Variants in RC3H2 observed in about 807,000 individuals in gnomAD.
RC3H2 encodes roquin-2.
RC3H2 carries 31 observed loss-of-function variants against 133.3 expected under a neutral mutation model. The observed-to-expected ratio is 0.23, with a 90% CI of 0.17 to 0.31. RC3H2 has a LOEUF of 0.31. RC3H2 is among the 10% of genes least tolerant of loss of function. The pLI, the probability that RC3H2 is intolerant of heterozygous loss-of-function variation, is 1.00. For synonymous variants in RC3H2, 517 were observed against 502.2 expected, an observed-to-expected ratio of 1.03 and a Z score of -0.40; for missense variants, 1,175 against 1,437.2, an observed-to-expected ratio of 0.82 and a Z score of 2.95.
chr9:122,881,575 CA>C (rs1414933019), intron 5 of RC3H2, among the ~76,000 whole-genome samples: 11 of 151,514 alleles, frequency 7.3e-5, no homozygotes, highest in African/African-American at 2.7e-4. Context: ...AGATATGATA[CA>C]GGCTAGAGAA....
At chr9:122,867,165 G>A (rs1209453438) in intron 9 of RC3H2, among the ~76,000 whole-genome samples, 1 of 130,438 alleles carries the variant, frequency 7.7e-6, no homozygotes, top group Admixed American at 7.3e-5. Context: ...CCCTCCGCCC[G>A]GCAGCCGGCC....
chr9:122,892,542 G>C (rs1324531737), intron 3 of RC3H2, among the ~76,000 whole-genome samples: 1 of 152,074 alleles, frequency 6.6e-6, no homozygotes, highest in Non-Finnish European at 1.5e-5. Flanking sequence ...CTCCGGAATA[G>C]CTGGAACTAC....
intron 9 of RC3H2, among the ~76,000 whole-genome samples, chr9:122,868,049 G>A (rs1429283124): frequency 5.5e-5 from 6 of 108,992 alleles, no homozygotes; most frequent in African/African-American, 2.1e-4. Flanking sequence ...CCAGCCAGCC[G>A]CTCCGTCCGG....
chr9:122,898,761 A>AG (rs1470397120), intron 1 of RC3H2, among the ~76,000 whole-genome samples: 1 of 151,752 alleles, frequency 6.6e-6, no homozygotes, highest in Non-Finnish European at 1.5e-5. Flanking sequence ...AAAAAAAAAA[A>AG]AAAAGTTCCA....
At chr9:122,883,562 C>G (rs569059136) in intron 4 of RC3H2, among the ~76,000 whole-genome samples, 183 bp from the exon 5 acceptor site, 2 of 152,226 alleles carry the variant, frequency 1.3e-5, no homozygotes, top group South Asian at 4.1e-4. Context: ...ATAAAACATA[C>G]TTTCCATAAA....
Position 122,879,781 on chromosome 9 carries a change from T to C in RC3H2, c.1186A>G (p.Ser396Gly), listed in dbSNP as rs758949568. The C allele has an allele frequency of 4.2e-5, 68 of 1,612,606 alleles. No individual in the cohort carries two copies. The highest frequency in any genetic ancestry group is 5.6e-5 in the Non-Finnish European group (66 of 1,179,260). ...HGLVDFIQNY[S>G]RKGHETPQPQ... ...TGAGGGGTCTCATGGCCTTTTCTAC[T>C]ATAATTTTGTATGAAGTCCACAAGG... Residue 396 changes from serine to glycine, a missense_variant, in exon 8 of 21, where the codon AGT becomes GGT. Physicochemically the swap from Ser to Gly is moderately conservative, Grantham distance 56. Transcript: ENST00000357244.
At chr9:122,866,698 C>T (rs1289021567) in intron 9 of RC3H2, among the ~76,000 whole-genome samples, 1 of 152,156 alleles carries the variant, frequency 6.6e-6, no homozygotes, top group Admixed American at 6.5e-5. Flanking sequence ...ATGTCTGGTT[C>T]ACTCAGTGCT....
intron 3 of RC3H2, among the ~76,000 whole-genome samples, chr9:122,891,432 T>C (rs1430074359): frequency 6.6e-6 from 1 of 152,220 alleles, no homozygotes. Context: ...ATCACTACAA[T>C]TGATCTGTTC....
chr9:122,890,193 T>C (rs780816538), intron 4 of RC3H2, 119 bp downstream of exon 4: 11 of 739,622 alleles, frequency 1.5e-5, no homozygotes, highest in Admixed American at 7.4e-5. Flanking sequence ...TTATCTTTAA[T>C]TATATCAAGA....
At chr9:122,905,057 GA>G in intron 1 of RC3H2, 52 bp downstream of exon 1, 2 of 980,176 alleles carry the variant, frequency 2.0e-6, no homozygotes, top group Non-Finnish European at 2.4e-6. Flanking sequence ...GACCGCCGGG[GA>G]CCAGGCACCC....
intron 15 of RC3H2, 66 bp downstream of exon 15, chr9:122,855,116 TAA>T (rs5900548): frequency 0.079 from 71,561 of 905,648 alleles, 127 homozygotes; most frequent in East Asian, 0.22. Flanking sequence ...CTGTCTCAAT[TAA>T]AAAAAAAAAA....
chr9:122,879,367 C>A (rs565101495), intron 8 of RC3H2, among the ~76,000 whole-genome samples: 1 of 151,700 alleles, frequency 6.6e-6, no homozygotes, highest in East Asian at 2.0e-4. Flanking sequence ...GCACTCCAGC[C>A]TGGGTGACAG....
intron 16 of RC3H2, 47 bp downstream of exon 16, chr9:122,854,484 T>C (rs1427840360): frequency 7.0e-7 from 1 of 1,436,144 alleles, no homozygotes; most frequent in East Asian, 2.3e-5. Context: ...TTAAGATACA[T>C]ACAAGTCTGA....
chr9:122,901,144 C>CAT (rs1832632639), intron 1 of RC3H2, among the ~76,000 whole-genome samples: 1 of 152,190 alleles, frequency 6.6e-6, no homozygotes, highest in South Asian at 2.1e-4. Context: ...CTTTAACTGT[C>CAT]ATATATGTAT....
At chr9:122,890,668 ATTTTTCTAACAGTATTC>A (rs1389611992) in intron 3 of RC3H2, 123 bp from the exon 4 acceptor site, 1 of 685,556 alleles carries the variant, frequency 1.5e-6, no homozygotes, top group Non-Finnish European at 2.4e-6. Context: ...ATGTGCTTTC[ATTTTTCTAACAGTATTC>A]TGTCTCTGTT....
In RC3H2 at chr9:122,892,967, A is replaced by G; in HGVS notation, c.291T>C (p.Val97=). Residue 97 remains valine (V), a synonymous_variant, in exon 3 of 21, where the codon GTT becomes GTC. Transcript: ENST00000357244. ...CCAAATCCTCAACGCATTTCTTTGCAACCTCATAGTGTTTATTCTCACCTA... is the reference window on the plus strand; with the variant it reads ...CCAAATCCTCAACGCATTTCTTTGCGACCTCATAGTGTTTATTCTCACCTA... ...SNLGENKHYE[V]AKKCVEDLAL... 6.2e-7 allele frequency: 1 copy of G among 1,613,328 alleles called. No homozygotes were observed. The highest frequency in any genetic ancestry group is 8.5e-7 in the Non-Finnish European group (1 of 1,179,960).
chr9:122,871,055 C>T (rs1172472036), intron 9 of RC3H2, among the ~76,000 whole-genome samples: 1 of 152,178 alleles, frequency 6.6e-6, no homozygotes, highest in Non-Finnish European at 1.5e-5. Flanking sequence ...CACTTAACCA[C>T]GAAAATAGAT....
chr9:122,898,055 G>C (rs1037561817), intron 1 of RC3H2: 3 of 152,234 alleles, frequency 2.0e-5, no homozygotes, highest in African/African-American at 7.2e-5. Flanking sequence ...AGAGACTCAA[G>C]TGTGAAGAAA....
intron 9 of RC3H2, 59 bp downstream of exon 9, chr9:122,877,412 T>C (rs1831388533): frequency 6.0e-6 from 8 of 1,342,278 alleles, no homozygotes; most frequent in East Asian, 2.3e-5. Flanking sequence ...GGACTGTATA[T>C]AACATTCCCA....
Sources: allele counts gnomAD v4.1 joint callset (sites outside exome capture counted in the v4.1 genomes callset), GRCh38; gene constraint gnomAD v4.1.1; transcripts MANE v1.5; gene names NCBI Gene and HGNC (gene_info 2026-07-23, HGNC 2026-07-21).